CFD: variants seen among roughly 807,000 people sequenced by gnomAD.
The protein encoded by CFD is C3 convertase activator.
A neutral mutation model predicts 21.1 loss-of-function variants in CFD; 24 were observed. The observed-to-expected ratio is 1.14, with a 90% CI of 0.82 to 1.60. The LOEUF (loss-of-function observed/expected upper bound fraction) is 1.60, where lower values mean the gene tolerates loss of function less well. CFD is among the 40% of genes most tolerant of loss of function. The pLI is 0.00. For synonymous variants in CFD, 242 were observed against 175.9 expected (o/e 1.38, Z -2.97); for missense variants, 535 against 383.3 (o/e 1.40, Z -3.31).
rs761211676 is a variant in CFD at position 860,911 on chromosome 19, C to G, written c.263C>G (p.Pro88Arg). ...CTGGGCGCGCACTCCCTGTCGCAGC[C>G]GGAGCCCTCCAAGCGCCTGTACGAC... ...VLLGAHSLSQ[P>R]EPSKRLYDVL... The change falls in exon 3 of 5, where the codon CCG (proline) becomes CGG (arginine). Residue 88 changes from proline to arginine, a missense_variant. Transcript: ENST00000327726. The G allele has an allele frequency of 1.3e-6, 2 of 1,595,322 alleles. No individual in the cohort carries two copies. Among genetic ancestry groups the G allele is most frequent in the South Asian group, 2.2e-5 (2 of 89,670 alleles).
At chr19:860,529 C>T in intron 1 of CFD, 88 bp from the exon 2 acceptor site, 2 of 1,279,160 alleles carry the variant, frequency 1.6e-6, no homozygotes, top group Non-Finnish European at 2.0e-6. Flanking sequence ...GGGGAGCGGC[C>T]TGGGGGGTGA....
In CFD at chr19:861,816, G is replaced by T; in HGVS notation, c.475G>T (p.Ala159Ser). The T allele has an allele frequency of 6.2e-7, 1 of 1,602,658 alleles. No homozygotes were observed. Among genetic ancestry groups the T allele is most frequent in the Non-Finnish European group, 8.5e-7 (1 of 1,179,066 alleles). The change falls in exon 4 of 5, where the codon GCG becomes TCG. Residue 159 changes from alanine to serine, a missense_variant. Physicochemically the swap from Ala to Ser is moderately conservative, Grantham distance 99. Coordinates refer to ENST00000327726, the MANE Select transcript of CFD (RefSeq NM_001928.4). Reference sequence around the variant, plus strand: ...GGCCGGCTGGGGCATAGTCAACCACGCGGGCCGCCGCCCGGACAGCCTGCA... The same window carrying T: ...GGCCGGCTGGGGCATAGTCAACCACTCGGGCCGCCGCCCGGACAGCCTGCA... ...DVAGWGIVNH[A>S]GRRPDSLQHV...
Position 860,706 on chromosome 19 carries a change from C to G in CFD, c.145C>G (p.His49Asp). ...YMASVQLNGAHLCGGVLVAEQ... is the reference protein window; with the variant it reads ...YMASVQLNGADLCGGVLVAEQ... ...GGCGTCGGTGCAGCTGAACGGCGCGCACCTGTGCGGCGGCGTCCTGGTGGC... is the reference window on the plus strand; with the variant it reads ...GGCGTCGGTGCAGCTGAACGGCGCGGACCTGTGCGGCGGCGTCCTGGTGGC... Residue 49 changes from histidine (H) to aspartate (D), a missense_variant, in exon 2 of 5, where the codon CAC becomes GAC. By Grantham distance (81) the His-to-Asp change is moderately conservative (BLOSUM62 -1). Transcript: ENST00000327726. The G allele has an allele frequency of 3.9e-6, 6 of 1,557,890 alleles. No individual in the cohort carries two copies. Among genetic ancestry groups the G allele is most frequent in the Non-Finnish European group, 4.3e-6 (5 of 1,161,406 alleles).
intron 4 of CFD, among the ~76,000 whole-genome samples, chr19:862,483 C>T (rs2035814793): frequency 3.4e-5 from 1 of 29,444 alleles, no homozygotes; most frequent in South Asian, 1.2e-3. Flanking sequence ...GTATAGGGGG[C>T]GGGCACGTGG....
intron 1 of CFD, 138 bp from the exon 2 acceptor site, chr19:860,479 T>G (rs977541908): frequency 2.7e-6 from 2 of 753,264 alleles, no homozygotes; most frequent in Non-Finnish European, 3.8e-6. Context: ...GTGCTGGGAT[T>G]ACAGGCGTGA....
At chr19:860,795 G>A (rs368577538) in intron 2 of CFD, 22 bp downstream of exon 2, 9 of 1,559,792 alleles carry the variant, frequency 5.8e-6, no homozygotes, top group Admixed American at 1.8e-5. Context: ...CGCCGCGCGG[G>A]GGAAGAGCCC....
chr19:862,028 G>GC, intron 4 of CFD, 72 bp downstream of exon 4: 2 of 1,493,830 alleles, frequency 1.3e-6, no homozygotes, highest in Non-Finnish European at 1.8e-6. Context: ...GGAGCGCGAA[G>GC]CGGGGGGCAA....
In CFD at chr19:860,757, C is replaced by A; in HGVS notation, c.196C>A (p.His66Asn). The part of the protein sequence containing the change: ...VAEQWVLSAA[H>N]CLEDAADGKV... ...GGAGCAGTGGGTGCTGAGCGCGGCG[C>A]ACTGCCTGGAGGACGCGTGAGTGCC... The change falls in exon 2 of 5, where the codon CAC (histidine) becomes AAC (asparagine). Residue 66 changes from histidine (H) to asparagine (N), a missense_variant. Coordinates refer to ENST00000327726, the MANE Select transcript of CFD (RefSeq NM_001928.4). 1 of 1,567,516 alleles carries A rather than the reference C, an allele frequency of 6.4e-7. No homozygotes were observed. Among genetic ancestry groups the A allele is most frequent in the East Asian group, 2.3e-5 (1 of 42,916 alleles).
chr19:863,045 C>T lies in CFD; in HGVS notation c.616-47C>T, dbSNP rs889034533. 3.7e-5 allele frequency: 55 copies of T among 1,476,324 alleles called. 1 individual carries two copies. The highest frequency in any genetic ancestry group is 1.0e-4 in the East Asian group (4 of 39,912). The allele number at this position is 1,476,324 out of a possible 1,614,324, so 91.5% of individuals were successfully genotyped here. A position where few individuals can be genotyped will look rare whatever the true frequency, so the allele number is the denominator to read the frequency against. On this transcript the variant is annotated intron_variant, in intron 4 of 4. Transcript: ENST00000327726. ...GGTGAGGGGGTCTAACACGTGAGGC[C>T]GGGGTGGGCGCGGGCCGCCCCTCAC...
intron 3 of CFD, 23 bp downstream of exon 3, chr19:861,028 C>A: frequency 6.3e-7 from 1 of 1,594,236 alleles, no homozygotes; most frequent in Non-Finnish European, 8.5e-7. Context: ...TAGCGCAGTC[C>A]CTCCTGCGGC....
chr19:862,986 A>G, intron 4 of CFD, 106 bp from the exon 5 acceptor site: 1 of 1,132,566 alleles, frequency 8.8e-7, no homozygotes, highest in Non-Finnish European at 1.2e-6. Flanking sequence ...CACGGGAGGG[A>G]TGAGCGAGCA....
At chr19:863,026 G>C in intron 4 of CFD, 66 bp from the exon 5 acceptor site, 1 of 1,430,354 alleles carries the variant, frequency 7.0e-7, no homozygotes, top group South Asian at 1.4e-5. Flanking sequence ...GCCAGGTGAG[G>C]GGGTCTAACA....
Position 861,829 on chromosome 19 carries a change from C to A in CFD, c.488C>A (p.Pro163Gln). The A allele has an allele frequency of 6.2e-7, 1 of 1,601,514 alleles. No homozygotes were observed. The highest frequency in any genetic ancestry group is 1.1e-5 in the South Asian group (1 of 90,810). The part of the protein sequence containing the change: ...WGIVNHAGRR[P>Q]DSLQHVLLPV... ...ATAGTCAACCACGCGGGCCGCCGCC[C>A]GGACAGCCTGCAGCACGTGCTCTTG... Residue 163 changes from proline to glutamine, a missense_variant, in exon 4 of 5, where the codon CCG becomes CAG. Pro to Gln is a moderately conservative substitution (Grantham distance 76, BLOSUM62 -1). Coordinates refer to ENST00000327726, the MANE Select transcript of CFD (RefSeq NM_001928.4).
chr19:859,896 A>T, intron 1 of CFD, 152 bp downstream of exon 1: 1 of 616,516 alleles, frequency 1.6e-6, no homozygotes, highest in Non-Finnish European at 2.9e-6. Context: ...GAAAAATTCT[A>T]GAAAATTCAG....
Position 863,201 on chromosome 19 carries a change from C to G in CFD, c.725C>G (p.Ala242Gly). The G allele has an allele frequency of 6.5e-7, 1 of 1,540,958 alleles. No individual in the cohort carries two copies. ...RKKPGIYTRV[A>G]SYAAWIDSVL... is the part of the protein sequence containing the mutation. The stretch of plus-strand genomic sequence containing the variant: ...AAGCCCGGGATCTACACCCGCGTGG[C>G]GAGCTATGCGGCCTGGATCGACAGC... Residue 242 changes from alanine (A) to glycine (G), a missense_variant, in exon 5 of 5, where the codon GCG becomes GGG. By Grantham distance (60) the Ala-to-Gly change is moderately conservative. Transcript: ENST00000327726.
At chr19:860,453 C>A (rs55855648) in intron 1 of CFD, among the ~76,000 whole-genome samples, 164 bp from the exon 2 acceptor site, 1 of 150,374 alleles carries the variant, frequency 6.7e-6, no homozygotes, top group Non-Finnish European at 1.5e-5. Context: ...CCCCCGCCCC[C>A]GCGCGGCTTC....
In CFD at chr19:862,452, G is replaced by A. The variant is rs530769718; in HGVS notation, c.615+496G>A. 1.8e-4 allele frequency among the ~76,000 whole-genome samples: 26 copies of A among 140,730 alleles called. 2 individuals carry two copies. In the South Asian group the frequency reaches 6.0e-3, roughly 32 times the overall value. 92.3% of individuals were successfully genotyped at this position (140,730 alleles called of 152,430 possible). ...AGGGTCAGGGCGGGCAAAAGGGCAG[G>A]TGGCAGAGAAAGGGTGGGAGGTATA... is the stretch of plus-strand genomic sequence containing the variant. On this transcript the variant is annotated intron_variant, in intron 4 of 4. Transcript: ENST00000327726.
chr19:860,448 GC>G (rs1483701798), intron 1 of CFD, among the ~76,000 whole-genome samples, 168 bp from the exon 2 acceptor site: 1 of 111,714 alleles, frequency 9.0e-6, no homozygotes, highest in Admixed American at 8.0e-5. Context: ...CTCCCCCCCC[GC>G]CCCCGCGCGG....
chr19:862,072 G>C (rs2035805757), intron 4 of CFD, 116 bp downstream of exon 4: 5 of 1,090,686 alleles, frequency 4.6e-6, no homozygotes, highest in Non-Finnish European at 3.7e-6. Flanking sequence ...GGCGGGGCGC[G>C]TAGGGGGCGG....
Sources: allele counts gnomAD v4.1 joint callset (sites outside exome capture counted in the v4.1 genomes callset), GRCh38; gene constraint gnomAD v4.1.1; transcripts MANE v1.5; gene names NCBI Gene and HGNC (gene_info 2026-07-23, HGNC 2026-07-21).